RHBDD1: variants seen among roughly 807,000 people sequenced by gnomAD.
RHBDD1 encodes rhomboid-related protein 4.
In RHBDD1, 38 loss-of-function variants were observed where a neutral mutation model predicts 36.3. The observed-to-expected ratio is 1.05, with a 90% CI of 0.81 to 1.37. The LOEUF (loss-of-function observed/expected upper bound fraction) is 1.37, where lower values mean the gene tolerates loss of function less well. Among genes scored for constraint, RHBDD1 ranks in the 40% most tolerant of loss-of-function variants. The pLI is 0.00. For synonymous variants in RHBDD1, 151 were observed against 136.5 expected (o/e 1.11, Z -0.74); for missense variants, 393 against 377.6 (o/e 1.04, Z -0.34).
intron 3 of RHBDD1, among the ~76,000 whole-genome samples, chr2:226,859,766 C>G (rs73083693): frequency 1.3e-5 from 2 of 151,994 alleles, no homozygotes; most frequent in African/African-American, 4.8e-5. Flanking sequence ...GTGATATAAG[C>G]ATACAGTTAT....
At chr2:226,931,250 T>C (rs1413869789) in intron 8 of RHBDD1, among the ~76,000 whole-genome samples, 1 of 151,930 alleles carries the variant, frequency 6.6e-6, no homozygotes, top group Non-Finnish European at 1.5e-5. Context: ...CAAGTGTCCA[T>C]CAACCAATGA....
At chr2:226,921,831 G>A (rs886282028) in intron 8 of RHBDD1, among the ~76,000 whole-genome samples, 1 of 152,140 alleles carries the variant, frequency 6.6e-6, no homozygotes, top group African/African-American at 2.4e-5. Flanking sequence ...GAAATGTTCT[G>A]TAAATATCTA....
chr2:226,969,988 G>GC (rs1209194879), intron 8 of RHBDD1, among the ~76,000 whole-genome samples: 19 of 102,944 alleles, frequency 1.8e-4, no homozygotes, highest in South Asian at 4.2e-4. Context: ...GTTTACAACT[G>GC]TCCCCCCCCC....
chr2:226,984,462 G>T (rs1956482173), intron 8 of RHBDD1, among the ~76,000 whole-genome samples: 1 of 152,130 alleles, frequency 6.6e-6, no homozygotes, highest in South Asian at 2.1e-4. Flanking sequence ...CATCACGGGG[G>T]CTCCACCCTC....
Position 226,907,055 on chromosome 2 carries a change from C to T in RHBDD1, c.655+174C>T, listed in dbSNP as rs970611563. The T allele has an allele frequency of 1.8e-5, 12 of 675,472 alleles. No homozygotes were observed. The African/African-American group carries it at 2.2e-4, about 12-fold the overall frequency. The allele number at this position is 675,472 out of a possible 1,614,324, so 41.8% of individuals were successfully genotyped here. A position where few individuals can be genotyped will look rare whatever the true frequency, so the allele number is the denominator to read the frequency against. ...ACCAGTGCAGTTCCTTACATTGCTC[C>T]ACAAAAGAGGCTGCAAACTTAAATT... On this transcript the variant is annotated intron_variant, in intron 6 of 8. Transcript: ENST00000392062.
At chr2:226,804,371 A>G in the RHBDD1 span, 1 of 152,366 alleles carries the variant, frequency 6.6e-6, no homozygotes, top group African/African-American at 2.4e-5. Flanking sequence ...TTAAACACAA[A>G]GAAAAAAATG....
intron 8 of RHBDD1, among the ~76,000 whole-genome samples, chr2:226,962,285 G>A (rs909976674): frequency 1.3e-5 from 2 of 152,204 alleles, no homozygotes; most frequent in African/African-American, 4.8e-5. Flanking sequence ...GCAGTCAGTG[G>A]TTCTGCATCA....
At chr2:226,834,630 G>T (rs190103373), upstream of RHBDD1, among the ~76,000 whole-genome samples, 398 of 152,252 alleles carry the variant, frequency 2.6e-3, 5 homozygotes, top group African/African-American at 8.9e-3. Flanking sequence ...TCTGGTTTAG[G>T]CAGTTTTTGT....
intron 5 of RHBDD1, among the ~76,000 whole-genome samples, chr2:226,871,099 T>C (rs1944763432): frequency 6.6e-6 from 1 of 152,220 alleles, no homozygotes; most frequent in Non-Finnish European, 1.5e-5. Flanking sequence ...TAAAAATTAT[T>C]TGGCTAGATT....
At chr2:226,856,671 CAAAAT>C (rs1943357194) in intron 3 of RHBDD1, among the ~76,000 whole-genome samples, 1 of 151,922 alleles carries the variant, frequency 6.6e-6, no homozygotes, top group South Asian at 2.1e-4. Flanking sequence ...TATAATGAAA[CAAAAT>C]AAGAGAGAAA....
At chr2:226,972,929 CA>C (rs11320469) in intron 8 of RHBDD1, among the ~76,000 whole-genome samples, 56,215 of 126,906 alleles carry the variant, frequency 0.44, 10,415 homozygotes, top group South Asian at 0.52. Context: ...AAGCCTGTAG[CA>C]AAAAAAAAAA....
intron 8 of RHBDD1, among the ~76,000 whole-genome samples, chr2:226,929,281 A>G (rs1218490914): frequency 6.6e-6 from 1 of 152,138 alleles, no homozygotes; most frequent in Admixed American, 6.6e-5. Context: ...ATCCAACAGC[A>G]CATCCAAACA....
At chr2:226,908,638 G>GAC (rs74659334) in intron 6 of RHBDD1, 184 bp from the exon 7 acceptor site, 222,052 of 562,018 alleles carry the variant, frequency 0.4, 41,217 homozygotes, top group African/African-American at 0.48. Context: ...TCCCTGTAGG[G>GAC]ACACACACAC....
chr2:226,874,053 C>T (rs976804471), intron 5 of RHBDD1, among the ~76,000 whole-genome samples: 7 of 152,090 alleles, frequency 4.6e-5, no homozygotes, highest in Admixed American at 1.3e-4. Flanking sequence ...GTACCAGACA[C>T]TTATCAAACA....
intron 4 of RHBDD1, among the ~76,000 whole-genome samples, chr2:226,865,811 G>C (rs912971595): frequency 6.6e-6 from 1 of 152,162 alleles, no homozygotes; most frequent in African/African-American, 2.4e-5. Flanking sequence ...TTATCTCAGG[G>C]TGTTGGATTT....
intron 8 of RHBDD1, among the ~76,000 whole-genome samples, chr2:226,932,292 G>A (rs1458667845): frequency 6.6e-6 from 1 of 152,114 alleles, no homozygotes; most frequent in East Asian, 1.9e-4. Flanking sequence ...GTATTCTGCT[G>A]TTGTTGGATA....
At chr2:226,892,678 G>A (rs1946783071) in intron 5 of RHBDD1, among the ~76,000 whole-genome samples, 1 of 152,170 alleles carries the variant, frequency 6.6e-6, no homozygotes, top group Non-Finnish European at 1.5e-5. Flanking sequence ...TAATTTGTGA[G>A]GTGTAGTCTT....
chr2:226,873,935 G>GT (rs1438569931), intron 5 of RHBDD1, among the ~76,000 whole-genome samples: 3 of 152,186 alleles, frequency 2.0e-5, no homozygotes, highest in Non-Finnish European at 4.4e-5. Flanking sequence ...TTGACTCACA[G>GT]TTCCCCATGG....
chr2:226,827,012 G>A, the RHBDD1 span, among the ~76,000 whole-genome samples: 5 of 152,096 alleles, frequency 3.3e-5, no homozygotes, highest in African/African-American at 4.8e-5. Flanking sequence ...AGGATGGAGT[G>A]CAGTGGAGTG....
Sources: allele counts gnomAD v4.1 joint callset (sites outside exome capture counted in the v4.1 genomes callset), GRCh38; gene constraint gnomAD v4.1.1; transcripts MANE v1.5; gene names NCBI Gene and HGNC (gene_info 2026-07-23, HGNC 2026-07-21).